Variants in ALDH1L2 observed in about 807,000 individuals in gnomAD.
The protein encoded by ALDH1L2 is mitochondrial 10-formyltetrahydrofolate dehydrogenase.
ALDH1L2 carries 91 observed loss-of-function variants against 111.0 expected under a neutral mutation model. That is an observed-to-expected ratio of 0.82 (90% CI 0.69 to 0.98). The LOEUF (loss-of-function observed/expected upper bound fraction) is 0.98, where lower values mean the gene tolerates loss of function less well. Ranked by LOEUF, ALDH1L2 falls within the 50% of genes least tolerant of loss-of-function variation. The pLI is 0.00. For missense variants in ALDH1L2, 995 were observed against 1,126.8 expected (o/e 0.88, Z 1.67); for synonymous variants, 374 against 392.6 (o/e 0.95, Z 0.56).
At chr12:105,064,058 C>T (rs7959069) in intron 6 of ALDH1L2, among the ~76,000 whole-genome samples, 101 of 126,176 alleles carry the variant, frequency 8.0e-4, no homozygotes, top group Middle Eastern at 5.5e-3. Flanking sequence ...TCAAATGATT[C>T]TCCTGCCTTA....
intron 1 of ALDH1L2, among the ~76,000 whole-genome samples, chr12:105,080,239 T>A (rs1311148482): frequency 6.6e-6 from 1 of 152,172 alleles, no homozygotes; most frequent in Non-Finnish European, 1.5e-5. Flanking sequence ...GATGAACTGT[T>A]TTCTCACCCC....
intron 20 of ALDH1L2, 87 bp downstream of exon 20, chr12:105,031,682 T>C: frequency 2.0e-6 from 3 of 1,516,074 alleles, no homozygotes; most frequent in Non-Finnish European, 2.7e-6. Flanking sequence ...AGTTTCACCA[T>C]GTTGGCCAGG....
chr12:105,067,215 C>CAAAAAAAAAAAAAAAAA (rs11334156), intron 4 of ALDH1L2, among the ~76,000 whole-genome samples: 1 of 97,246 alleles, frequency 1.0e-5, no homozygotes. Flanking sequence ...GACTCTGTCT[C>CAAAAAAAAAAAAAAAAA]AAAAAAAAAA....
Position 105,062,995 on chromosome 12 carries a change from G to A in ALDH1L2, c.814C>T (p.Leu272=). 2 of 1,613,676 alleles carry A rather than the reference G, an allele frequency of 1.2e-6. No homozygotes were observed. Among genetic ancestry groups the A allele is most frequent in the Admixed American group, 1.7e-5 (1 of 59,898 alleles). ...TCTCCAGGAGGCACAGAGCTATTCAGTAATGTCGAGCCATAGAAAGTGACC... is the reference window on the plus strand; with the variant it reads ...TCTCCAGGAGGCACAGAGCTATTCAATAATGTCGAGCCATAGAAAGTGACC... ...QMVTFYGSTL[L]NSSVPPGEPL... The change falls in exon 7 of 23, where the codon CTG becomes TTG. Residue 272 remains leucine, a synonymous_variant. Coordinates refer to ENST00000258494, the MANE Select transcript of ALDH1L2 (RefSeq NM_001034173.4).
chr12:105,075,097 C>T (rs993291827), intron 1 of ALDH1L2, among the ~76,000 whole-genome samples: 1 of 152,170 alleles, frequency 6.6e-6, no homozygotes, highest in Non-Finnish European at 1.5e-5. Flanking sequence ...ACATGTTTGC[C>T]ACCTTACAAA....
At chr12:105,056,581 G>A (rs1876643877) in intron 10 of ALDH1L2, among the ~76,000 whole-genome samples, 1 of 151,728 alleles carries the variant, frequency 6.6e-6, no homozygotes, top group African/African-American at 2.4e-5. Context: ...TTATAAAACT[G>A]TTGGTGGGCT....
rs1207898463 is a variant in ALDH1L2 at position 105,026,661 on chromosome 12, G to A, written c.2600C>T (p.Ala867Val). ...TTCCAGTTTTTCACTCACATACATA[G>A]CTTTGTTTATGTCTCTTGTAAAAAC... ...SGVFTRDINK[A>V]MYVSEKLEAG... The change falls in exon 22 of 23, where the codon GCT becomes GTT. Residue 867 changes from alanine to valine, a missense_variant. By Grantham distance (64) the Ala-to-Val change is moderately conservative (BLOSUM62 0). Coordinates refer to ENST00000258494, the MANE Select transcript of ALDH1L2 (RefSeq NM_001034173.4). 1 of 1,614,114 alleles carries A rather than the reference G, an allele frequency of 6.2e-7. No homozygotes were observed. The highest frequency in any genetic ancestry group is 2.2e-5 in the East Asian group (1 of 44,880).
At chr12:105,072,166 AATT>A (rs937131028) in intron 2 of ALDH1L2, among the ~76,000 whole-genome samples, 1 of 147,996 alleles carries the variant, frequency 6.8e-6, no homozygotes, top group African/African-American at 2.5e-5. Context: ...AAATTATAGA[AATT>A]ATGATATCTA....
chr12:105,050,903 G>C (rs1390180274), intron 12 of ALDH1L2, among the ~76,000 whole-genome samples: 1 of 152,100 alleles, frequency 6.6e-6, no homozygotes, highest in Non-Finnish European at 1.5e-5. Flanking sequence ...TGGGAATTAT[G>C]GGAGCTACAA....
chr12:105,038,609 G>C (rs1423824702), intron 17 of ALDH1L2, among the ~76,000 whole-genome samples: 1 of 152,118 alleles, frequency 6.6e-6, no homozygotes, highest in East Asian at 1.9e-4. Flanking sequence ...CAAAGCTGCA[G>C]TGAGCTGTGA....
At position 105,065,457 on chromosome 12, in the gene ALDH1L2, G is replaced by T. The variant is rs1315962609; in HGVS notation, c.697-101C>A. The T allele has an allele frequency of 3.3e-6, 3 of 922,694 alleles. No individual in the cohort carries two copies. In the African/African-American group the frequency reaches 5.0e-5, roughly 15 times the overall value. 57.2% of individuals were successfully genotyped at this position (922,694 alleles called of 1,614,324 possible). On this transcript the variant is annotated intron_variant, in intron 5 of 22. Transcript: ENST00000258494. ...CAGAGGCAGAAACACTTGTTATTGG[G>T]AAATAAAGGAATTTTTGCTTCTTAG...
intron 21 of ALDH1L2, among the ~76,000 whole-genome samples, chr12:105,027,659 A>C (rs991513816): frequency 2.8e-4 from 43 of 152,212 alleles, no homozygotes; most frequent in Non-Finnish European, 5.1e-4. Flanking sequence ...TCATGCCTGG[A>C]ACACAATAAA....
Position 105,073,929 on chromosome 12 carries a change from C to T in ALDH1L2, c.125G>A (p.Arg42His), listed in dbSNP as rs199595605. 8.1e-6 allele frequency: 13 copies of T among 1,614,092 alleles called. No homozygotes were observed. Among genetic ancestry groups the T allele is most frequent in the Admixed American group, 5.0e-5 (3 of 60,012 alleles). The change falls in exon 2 of 23, where the codon CGC becomes CAC. Residue 42 changes from arginine to histidine, a missense_variant. Arg to His is a conservative substitution (Grantham distance 29). Transcript: ENST00000258494. Reference sequence around the variant, plus strand: ...CCCTACTACTCGGTGGCCCTCTTTGCGGAGGTGGCTATAGACTTCTTGTCC... The same window carrying T: ...CCCTACTACTCGGTGGCCCTCTTTGTGGAGGTGGCTATAGACTTCTTGTCC... The part of the protein sequence containing the change: ...LFGQEVYSHL[R>H]KEGHRVVGVF...
At chr12:105,059,585 G>A (rs1005798477) in intron 9 of ALDH1L2, among the ~76,000 whole-genome samples, 8 of 152,152 alleles carry the variant, frequency 5.3e-5, no homozygotes, top group Non-Finnish European at 8.8e-5. Flanking sequence ...TCTATAATTT[G>A]AGGAGCCGAA....
chr12:105,079,818 C>T (rs908225066), intron 1 of ALDH1L2, among the ~76,000 whole-genome samples: 2 of 152,200 alleles, frequency 1.3e-5, no homozygotes, highest in African/African-American at 4.8e-5. Context: ...CCAGAGGAAA[C>T]TACTATTGTT....
intron 1 of ALDH1L2, among the ~76,000 whole-genome samples, chr12:105,077,452 T>A (rs1013718097): frequency 2.0e-5 from 3 of 151,368 alleles, no homozygotes; most frequent in Middle Eastern, 3.2e-3. Flanking sequence ...TTTTTTTTTT[T>A]AATTTTAGTA....
chr12:105,052,978 A>C, intron 10 of ALDH1L2, 47 bp from the exon 11 acceptor site: 1 of 1,599,910 alleles, frequency 6.3e-7, no homozygotes, highest in Non-Finnish European at 8.6e-7. Flanking sequence ...GTGTTTACCA[A>C]TTTGATGTCA....
chr12:105,048,977 C>T (rs1344165864), intron 13 of ALDH1L2, among the ~76,000 whole-genome samples: 1 of 152,072 alleles, frequency 6.6e-6, no homozygotes, highest in African/African-American at 2.4e-5. Flanking sequence ...TTGTAGTGAG[C>T]TGAGATGGCG....
intron 2 of ALDH1L2, among the ~76,000 whole-genome samples, chr12:105,072,937 G>A (rs1877821272): frequency 6.6e-6 from 1 of 152,156 alleles, no homozygotes. Context: ...TCGTGCCACT[G>A]CACTCCAGCC....
Sources: gnomAD v4.1 joint callset for allele counts (sites outside exome capture counted in the v4.1 genomes callset) on GRCh38, gnomAD v4.1.1 for gene constraint, MANE v1.5 for transcripts, NCBI Gene and HGNC (gene_info 2026-07-23, HGNC 2026-07-21) for gene names.